Variants in NLRP6 observed in about 807,000 individuals in gnomAD.
NLRP6 encodes NACHT, LRR and PYD domains-containing protein 6.
Under a neutral mutation model 70.9 loss-of-function variants are expected in NLRP6, and 55 were observed. The observed-to-expected ratio is 0.78, with a 90% confidence interval of 0.62 to 0.97. NLRP6 has a LOEUF of 0.97. Among genes scored for constraint, NLRP6 ranks in the 50% least tolerant of loss-of-function variants. The probability of loss-of-function intolerance (pLI) is 0.00; values close to 1 mark genes in which losing one functional copy is unlikely to be tolerated. For synonymous variants in NLRP6, 652 were observed against 581.9 expected (o/e 1.12, Z -1.73); for missense variants, 1,241 against 1,238.3 (o/e 1.00, Z -0.03).
chr11:285,075 C>T, intron 7 of NLRP6, 91 bp from the exon 8 acceptor site: 2 of 1,170,210 alleles, frequency 1.7e-6, no homozygotes, highest in Non-Finnish European at 2.4e-6. Context: ...CCGTCACTGC[C>T]CGCGGCCCGG....
At position 284,592 on chromosome 11, in the gene NLRP6, C is replaced by T. The variant is rs1357944560; in HGVS notation, c.2487C>T (p.Thr829=). The T allele has an allele frequency of 6.2e-7, 1 of 1,611,762 alleles. No individual in the cohort carries two copies. Among genetic ancestry groups the T allele is most frequent in the Non-Finnish European group, 8.5e-7 (1 of 1,179,842 alleles). ...SGCQLPAPMV[T]YLCAVLQHQG... is the part of the protein sequence containing the mutation. ...GCCAACTGCCCGCCCCCATGGTGAC[C>T]TACCTGTGTGCAGTCCTGCAGCACC... The change falls in exon 7 of 8, where the codon ACC becomes ACT. Residue 829 remains threonine (T), a synonymous_variant. Transcript: ENST00000534750.
chr11:279,615 C>G lies in NLRP6; in HGVS notation c.310+8C>G. 7.2e-7 allele frequency: 1 copy of G among 1,396,720 alleles called. No individual in the cohort carries two copies. The allele number at this position is 1,396,720 out of a possible 1,614,324, so 86.5% of individuals were successfully genotyped here. ...AGGAGCGGCGGCTGCAGCGTGAGTT[C>G]TGCGCGGGAGGTCCCTCCTGTCTGG... On this transcript the variant is annotated splice_region_variant and intron_variant, in intron 2 of 7. Transcript: ENST00000534750.
rs774885098 is a variant in NLRP6, at chr11:281,297, C to A, written c.1563C>A (p.Thr521=). ...TGGAGGACGGCGGGGTGCCCAGGAC[C>A]GCGGCTGGCGGCGTTGGGACACTCC... ...YLLEDGGVPR[T]AAGGVGTLLR... Residue 521 remains threonine, a synonymous_variant, in exon 4 of 8, where the codon ACC becomes ACA. Transcript: ENST00000534750. 6.2e-7 allele frequency: 1 copy of A among 1,609,040 alleles called. No homozygotes were observed. The highest frequency in any genetic ancestry group is 1.1e-5 in the South Asian group (1 of 90,824).
chr11:282,060 A>G (rs150893724), intron 4 of NLRP6, among the ~76,000 whole-genome samples: 114 of 152,158 alleles, frequency 7.5e-4, no homozygotes, highest in African/African-American at 2.6e-3. Context: ...CCCACAACCT[A>G]TGAAAACTTC....
At chr11:279,749 C>T (rs1845439340) in intron 2 of NLRP6, 85 bp from the exon 3 acceptor site, 3 of 1,420,300 alleles carry the variant, frequency 2.1e-6, no homozygotes, top group South Asian at 1.3e-5. Flanking sequence ...TAGGACCCTG[C>T]GTGCTCCTCA....
At position 280,540 on chromosome 11, in the gene NLRP6, C is replaced by G; in HGVS notation, c.806C>G (p.Ala269Gly). 6.5e-7 allele frequency: 1 copy of G among 1,549,168 alleles called. No individual in the cohort carries two copies. Among genetic ancestry groups the G allele is most frequent in the Non-Finnish European group, 8.6e-7 (1 of 1,160,270 alleles). ...DRGAPVPQML[A>G]QPQRLLFILD... is the part of the protein sequence containing the mutation. ...GGCGCGCCGGTGCCGCAGATGCTGGCCCAGCCGCAGCGGCTGCTCTTCATC... is the reference window on the plus strand; with the variant it reads ...GGCGCGCCGGTGCCGCAGATGCTGGGCCAGCCGCAGCGGCTGCTCTTCATC... The change falls in exon 4 of 8, where the codon GCC becomes GGC. Residue 269 changes from alanine to glycine, a missense_variant. Transcript: ENST00000534750.
At chr11:284,008 G>A (rs1026806187) in intron 5 of NLRP6, among the ~76,000 whole-genome samples, 10 of 152,166 alleles carry the variant, frequency 6.6e-5, no homozygotes, top group Admixed American at 2.6e-4. Context: ...TCAGCTCTCC[G>A]AAGAGCTCGT....
rs187584857 is a variant in NLRP6 at position 283,352 on chromosome 11, C to T, written c.2198+555C>T. Among the ~76,000 whole-genome samples, 925 of 134,394 alleles carry T rather than the reference C, an allele frequency of 6.9e-3. 10 individuals are homozygous for T. The highest frequency in any genetic ancestry group is 0.024 in the African/African-American group (854 of 35,736). The allele number at this position is 134,394 out of a possible 152,430, so 88.2% of individuals were successfully genotyped here. ...TTTTTGAGACGGAGCCTCGCTCTGT[C>T]GCCCAGGCTGGAGTGCAGTGGTGTG... On this transcript the variant is annotated intron_variant, in intron 5 of 7. Coordinates refer to ENST00000534750, the MANE Select transcript of NLRP6 (RefSeq NM_001276700.2).
At chr11:284,739 C>T (rs1845534681) in intron 7 of NLRP6, 97 bp downstream of exon 7, 2 of 1,222,148 alleles carry the variant, frequency 1.6e-6, no homozygotes, top group Non-Finnish European at 1.1e-6. Flanking sequence ...GAAGAGGGGC[C>T]CCTCCCAGAG....
Position 279,570 on chromosome 11 carries a change from C to T in NLRP6, c.273C>T (p.Arg91=), listed in dbSNP as rs1845436627. The part of the protein sequence containing the change: ...ARKTLKRADA[R]DVAAQLQERR... ...AGACCCTCAAGAGGGCGGACGCGCG[C>T]GACGTGGCGGCGCAGCTCCAGGAGC... Residue 91 remains arginine, a synonymous_variant, in exon 2 of 8, where the codon CGC becomes CGT. Transcript: ENST00000534750. The T allele has an allele frequency of 2.8e-6, 4 of 1,424,334 alleles. No individual in the cohort carries two copies. The highest frequency in any genetic ancestry group is 3.7e-6 in the Non-Finnish European group (4 of 1,093,462). 88.2% of individuals were successfully genotyped at this position (1,424,334 alleles called of 1,614,324 possible).
intron 1 of NLRP6, 34 bp from the exon 2 acceptor site, chr11:279,293 C>G: frequency 2.4e-6 from 3 of 1,258,962 alleles, no homozygotes; most frequent in Non-Finnish European, 3.0e-6. Flanking sequence ...ACCCGAGGGC[C>G]GCTCCCCGAT....
chr11:279,933 G>A, intron 3 of NLRP6, 61 bp downstream of exon 3: 4 of 1,458,180 alleles, frequency 2.7e-6, no homozygotes, highest in African/African-American at 1.5e-5. Context: ...TCCCGGGGAG[G>A]ACCGGGGTGG....
In NLRP6 at chr11:279,486, C is replaced by A. The variant is rs753930157; in HGVS notation, c.189C>A (p.Asp63Glu). The A allele has an allele frequency of 1.4e-6, 2 of 1,440,706 alleles. No homozygotes were observed. The highest frequency in any genetic ancestry group is 2.8e-5 in the South Asian group (2 of 72,168). The allele number at this position is 1,440,706 out of a possible 1,614,324, so 89.2% of individuals were successfully genotyped here. ...WGRLERADAV[D>E]LAEQLAQFYG... is the part of the protein sequence containing the mutation. ...GGCTGGAGCGCGCGGACGCCGTGGA[C>A]CTCGCGGAGCAGCTGGCCCAGTTCT... is the stretch of plus-strand genomic sequence containing the variant. Residue 63 changes from aspartate (D) to glutamate (E), a missense_variant, in exon 2 of 8, where the codon GAC (aspartate) becomes GAA (glutamate). Transcript: ENST00000534750.
chr11:282,928 A>T, intron 5 of NLRP6, 131 bp downstream of exon 5: 1 of 718,966 alleles, frequency 1.4e-6, no homozygotes, highest in South Asian at 1.5e-5. Flanking sequence ...TGGGTGCTGG[A>T]GATGGCAGGC....
At chr11:279,252 C>G in intron 1 of NLRP6, 75 bp from the exon 2 acceptor site, 3 of 1,185,684 alleles carry the variant, frequency 2.5e-6, no homozygotes, top group Non-Finnish European at 3.2e-6. Flanking sequence ...GGTGGGTTCT[C>G]CGGCGCCAGA....
rs57520048 is a variant in NLRP6, at chr11:281,494, C to A, written c.1760C>A (p.Pro587His). ...GTGCAGGGACAGGGACAGGGCTGCCCCGGAGTGGCACCAGAGGTGACCGAG... is the reference window on the plus strand; with the variant it reads ...GTGCAGGGACAGGGACAGGGCTGCCACGGAGTGGCACCAGAGGTGACCGAG... ...RWVQGQGQGCPGVAPEVTEGA... is the reference protein window; with the variant it reads ...RWVQGQGQGCHGVAPEVTEGA... The change falls in exon 4 of 8, where the codon CCC becomes CAC. Residue 587 changes from proline to histidine, a missense_variant. Physicochemically the swap from Pro to His is moderately conservative, Grantham distance 77. Transcript: ENST00000534750. The A allele has an allele frequency of 6.3e-7, 1 of 1,598,132 alleles. No homozygotes were observed. Among genetic ancestry groups the A allele is most frequent in the Admixed American group, 1.7e-5 (1 of 59,234 alleles).
Position 281,752 on chromosome 11 carries a change from G to A in NLRP6, c.2018G>A (p.Arg673Gln), listed in dbSNP as rs867596947. Residue 673 changes from arginine to glutamine, a missense_variant, in exon 4 of 8, where the codon CGG becomes CAG. Coordinates refer to ENST00000534750, the MANE Select transcript of NLRP6 (RefSeq NM_001276700.2). ...VRCCPAGQAL[R>Q]LISCRLVAAQ... ...TGCTGCCCTGCTGGACAGGCACTGC[G>A]GCTGATCAGCTGCAGATTGGTTGCT... is the stretch of plus-strand genomic sequence containing the variant. 2.5e-6 allele frequency: 4 copies of A among 1,611,662 alleles called. No individual in the cohort carries two copies. Among genetic ancestry groups the A allele is most frequent in the Middle Eastern group, 1.6e-4 (1 of 6,062 alleles).
Position 281,743 on chromosome 11 carries a change from A to G in NLRP6, c.2009A>G (p.Gln670Arg). Residue 670 changes from glutamine to arginine, a missense_variant, in exon 4 of 8, where the codon CAG becomes CGG. Transcript: ENST00000534750. ...SYCVRCCPAG[Q>R]ALRLISCRLV... ...TGCGTGAGGTGCTGCCCTGCTGGAC[A>G]GGCACTGCGGCTGATCAGCTGCAGA... 1 of 1,612,570 alleles carries G rather than the reference A, an allele frequency of 6.2e-7. No individual in the cohort carries two copies. Among genetic ancestry groups the G allele is most frequent in the Non-Finnish European group, 8.5e-7 (1 of 1,179,860 alleles).
At position 279,630 on chromosome 11, in the gene NLRP6, C is replaced by T. The variant is rs1478821770; in HGVS notation, c.310+23C>T. The T allele has an allele frequency of 1.5e-5, 21 of 1,388,986 alleles. No homozygotes were observed. The East Asian group carries it at 6.1e-4, about 40-fold the overall frequency. 86.0% of individuals were successfully genotyped at this position (1,388,986 alleles called of 1,614,324 possible). The stretch of plus-strand genomic sequence containing the variant: ...AGCGTGAGTTCTGCGCGGGAGGTCC[C>T]TCCTGTCTGGGCAGAGGCTGGGCTG... On this transcript the variant is annotated intron_variant, in intron 2 of 7. Transcript: ENST00000534750.
Sources: allele counts gnomAD v4.1 joint callset (sites outside exome capture counted in the v4.1 genomes callset), GRCh38; gene constraint gnomAD v4.1.1; transcripts MANE v1.5; gene names NCBI Gene and HGNC (gene_info 2026-07-23, HGNC 2026-07-21).